The following NLK variants were observed in gnomAD, a reference collection of about 807,000 sequenced individuals.
NLK encodes nemo like kinase.
A neutral mutation model predicts 59.0 loss-of-function variants in NLK; 11 were observed. The ratio of observed to expected loss-of-function variants is 0.19; its 90% CI spans 0.12 to 0.31. The LOEUF is 0.31. Among genes scored for constraint, NLK ranks in the 10% least tolerant of loss-of-function variants. NLK has a pLI of 1.00. For missense variants in NLK, 410 were observed against 661.1 expected (o/e 0.62, Z 4.16); for synonymous variants, 235 against 235.9 (o/e 1.00, Z 0.03).
intron 5 of NLK, among the ~76,000 whole-genome samples, chr17:28,166,149 A>G (rs1323346589): frequency 6.6e-6 from 1 of 152,230 alleles, no homozygotes; most frequent in African/African-American, 2.4e-5. Flanking sequence ...TGAGAGGCAG[A>G]CGTTGCAGTG....
chr17:28,050,453 G>A (rs1909210237), intron 1 of NLK, among the ~76,000 whole-genome samples: 1 of 152,150 alleles, frequency 6.6e-6, no homozygotes, highest in Admixed American at 6.5e-5. Flanking sequence ...CACATAAACA[G>A]TTAAATAGCA....
At chr17:28,138,089 C>A (rs1193325609) in intron 3 of NLK, among the ~76,000 whole-genome samples, 1 of 152,142 alleles carries the variant, frequency 6.6e-6, no homozygotes, top group Non-Finnish European at 1.5e-5. Flanking sequence ...GAAACCAGTT[C>A]TAATTGTTTA....
At chr17:28,184,183 C>T (rs766139936) in intron 7 of NLK, among the ~76,000 whole-genome samples, 3 of 152,168 alleles carry the variant, frequency 2.0e-5, no homozygotes, top group Non-Finnish European at 2.9e-5. Flanking sequence ...CCATCAAAAC[C>T]AATGGTGTAC....
chr17:28,105,798 A>G lies in NLK; in HGVS notation c.459-16805A>G, dbSNP rs1031801865. 2.0e-5 allele frequency among the ~76,000 whole-genome samples: 3 copies of G among 152,140 alleles called. No homozygotes were observed. The East Asian group carries it at 5.8e-4, about 29-fold the overall frequency. On this transcript the variant is annotated intron_variant, in intron 1 of 10. Coordinates refer to ENST00000407008, the MANE Select transcript of NLK (RefSeq NM_016231.5). ...TTCTCCAGCTGGATCTGGAGTAGACATTGTTAGCTAATGATGATCACTTTA... is the reference window on the plus strand; with the variant it reads ...TTCTCCAGCTGGATCTGGAGTAGACGTTGTTAGCTAATGATGATCACTTTA...
chr17:28,205,968 G>A, the NLK span, among the ~76,000 whole-genome samples: 2 of 152,066 alleles, frequency 1.3e-5, no homozygotes, highest in African/African-American at 4.8e-5. Flanking sequence ...TGAGGTGATG[G>A]ATATGTTAAT....
chr17:28,043,140 A>G lies in NLK; in HGVS notation c.267A>G (p.Gln89=), dbSNP rs1320398926. The change falls in exon 1 of 11, where the codon CAA becomes CAG. Residue 89 remains glutamine, a synonymous_variant. Coordinates refer to ENST00000407008, the MANE Select transcript of NLK (RefSeq NM_016231.5). The part of the protein sequence containing the change: ...AAAAAMLNPG[Q]QQPYFPSPAP... ...CTGCAGCCATGTTAAACCCTGGGCA[A>G]CAACAGCCATATTTCCCATCACCGG... 6.2e-7 allele frequency: 1 copy of G among 1,611,950 alleles called. No homozygotes were observed. Among genetic ancestry groups the G allele is most frequent in the Non-Finnish European group, 8.5e-7 (1 of 1,179,036 alleles).
chr17:28,104,142 C>T (rs1248493014), intron 1 of NLK, among the ~76,000 whole-genome samples: 1 of 152,166 alleles, frequency 6.6e-6, no homozygotes, highest in African/African-American at 2.4e-5. Context: ...TTGGCCATTT[C>T]TCACTCTCTA....
At chr17:28,166,512 A>C (rs1406619652) in intron 5 of NLK, among the ~76,000 whole-genome samples, 8 of 152,186 alleles carry the variant, frequency 5.3e-5, no homozygotes, top group African/African-American at 1.9e-4. Flanking sequence ...TTTCAAATAA[A>C]ATCTTATTTG....
At chr17:28,114,563 T>A (rs1905673927) in intron 1 of NLK, among the ~76,000 whole-genome samples, 1 of 152,238 alleles carries the variant, frequency 6.6e-6, no homozygotes, top group Non-Finnish European at 1.5e-5. Flanking sequence ...TTTAAGGTAG[T>A]CAAATATATC....
At chr17:28,069,187 A>C (rs1357993714) in intron 1 of NLK, among the ~76,000 whole-genome samples, 2 of 152,136 alleles carry the variant, frequency 1.3e-5, no homozygotes, top group African/African-American at 4.8e-5. Context: ...ATGTACTCTT[A>C]TGTGCGAGGC....
intron 1 of NLK, chr17:28,061,942 T>C (rs931217507): frequency 2.1e-5 from 3 of 146,278 alleles, no homozygotes. Flanking sequence ...TATATTTTTT[T>C]TTTTTTTAAG....
At chr17:28,060,902 A>G (rs1433872268) in intron 1 of NLK, among the ~76,000 whole-genome samples, 1 of 152,228 alleles carries the variant, frequency 6.6e-6, no homozygotes, top group African/African-American at 2.4e-5. Flanking sequence ...ATACAAAGAT[A>G]TATTTATAAG....
downstream of NLK, among the ~76,000 whole-genome samples, chr17:28,199,695 CA>C (rs61425914): frequency 0.86 from 82,429 of 95,520 alleles, 35,669 homozygotes; most frequent in South Asian, 0.91. Context: ...CAAAACAAAA[CA>C]AAAAAAAAAA....
At chr17:28,114,141 A>C (rs1905649523) in intron 1 of NLK, among the ~76,000 whole-genome samples, 1 of 152,158 alleles carries the variant, frequency 6.6e-6, no homozygotes, top group African/African-American at 2.4e-5. Context: ...TATATTGAAC[A>C]TTCTGTTTGT....
intron 1 of NLK, among the ~76,000 whole-genome samples, chr17:28,062,743 G>A (rs149286911): frequency 0.01 from 1,522 of 152,168 alleles, 18 homozygotes; most frequent in Non-Finnish European, 0.015. Context: ...ACCACATCCG[G>A]CTAATTTTTG....
At chr17:28,124,882 T>A (rs1403544040) in intron 2 of NLK, among the ~76,000 whole-genome samples, 1 of 151,740 alleles carries the variant, frequency 6.6e-6, no homozygotes, top group Non-Finnish European at 1.5e-5. Context: ...AAACCCCATC[T>A]CTACAAAAAA....
At chr17:28,096,533 T>A (rs1234990027) in intron 1 of NLK, among the ~76,000 whole-genome samples, 1 of 152,192 alleles carries the variant, frequency 6.6e-6, no homozygotes, top group Non-Finnish European at 1.5e-5. Context: ...GGAGAAAATG[T>A]CTGTCAACAA....
chr17:28,121,262 G>A (rs1000218378), intron 1 of NLK, among the ~76,000 whole-genome samples: 5 of 151,744 alleles, frequency 3.3e-5, no homozygotes, highest in Admixed American at 2.0e-4. Flanking sequence ...AATACTCAGA[G>A]CATTGGATGA....
At chr17:28,051,705 G>C (rs905453390) in intron 1 of NLK, among the ~76,000 whole-genome samples, 12 of 149,026 alleles carry the variant, frequency 8.1e-5, no homozygotes, top group African/African-American at 3.0e-4. Flanking sequence ...AACTAAACTT[G>C]TTAGGAGACA....
Sources: allele counts gnomAD v4.1 joint callset (sites outside exome capture counted in the v4.1 genomes callset), GRCh38; gene constraint gnomAD v4.1.1; transcripts MANE v1.5; gene names NCBI Gene and HGNC (gene_info 2026-07-23, HGNC 2026-07-21).